ADGRE3: variants seen among roughly 807,000 people sequenced by gnomAD.
ADGRE3 encodes EGF-like module receptor 3.
A neutral mutation model predicts 80.1 loss-of-function variants in ADGRE3; 88 were observed. The observed-to-expected ratio is 1.10, with a 90% CI of 0.93 to 1.31. The LOEUF is 1.31. ADGRE3 is among the 40% of genes most tolerant of loss of function. The pLI, the probability that ADGRE3 is intolerant of heterozygous loss-of-function variation, is 0.00. For synonymous variants in ADGRE3, 281 were observed against 294.8 expected (o/e 0.95, Z 0.48); for missense variants, 715 against 776.5 (o/e 0.92, Z 0.94).
At chr19:14,641,752 G>A in intron 9 of ADGRE3, 136 bp from the exon 10 acceptor site, 1 of 1,049,382 alleles carries the variant, frequency 9.5e-7, no homozygotes, top group Admixed American at 2.1e-5. Context: ...AATGTAGATT[G>A]CTAATGTAGA....
Position 14,630,063 on chromosome 19 carries a change from C to A in ADGRE3, c.1788G>T (p.Leu596Phe). The change falls in exon 14 of 16, where the codon TTG becomes TTT. Residue 596 changes from leucine (L) to phenylalanine (F), a missense_variant. Transcript: ENST00000253673. Reference protein sequence around the residue: ...INSLQGFFIFLVYCLLSQQVQ... With the variant: ...INSLQGFFIFFVYCLLSQQVQ... ...CCTGCTGGCTGAGGAGGCAGTAGAC[C>A]AAGAAGATGAAGAAGCCTTGGAGGC... 1 of 1,608,930 alleles carries A rather than the reference C, an allele frequency of 6.2e-7. No homozygotes were observed. The highest frequency in any genetic ancestry group is 1.1e-5 in the South Asian group (1 of 90,452).
chr19:14,666,490 T>A (rs1385624885), intron 2 of ADGRE3, among the ~76,000 whole-genome samples: 2 of 151,928 alleles, frequency 1.3e-5, no homozygotes. Flanking sequence ...GATTCTCCTG[T>A]CTCAGCCTCC....
chr19:14,643,817 C>T (rs1045691892), intron 9 of ADGRE3, among the ~76,000 whole-genome samples: 1 of 151,746 alleles, frequency 6.6e-6, no homozygotes, highest in East Asian at 1.9e-4. Context: ...TTCAAGCCAT[C>T]CTCTTGTCTC....
intron 11 of ADGRE3, among the ~76,000 whole-genome samples, chr19:14,637,078 G>T (rs1048421147): frequency 6.6e-6 from 1 of 152,066 alleles, no homozygotes; most frequent in Middle Eastern, 3.2e-3. Flanking sequence ...TGGGCAACAA[G>T]AGCGAAACTC....
intron 4 of ADGRE3, 37 bp from the exon 5 acceptor site, chr19:14,658,587 T>C (rs750693394): frequency 2.5e-5 from 37 of 1,509,106 alleles, no homozygotes; most frequent in Non-Finnish European, 2.5e-5. Flanking sequence ...CTATTGGAAC[T>C]GAGAGTGACC....
chr19:14,639,622 C>T (rs1971192305), intron 10 of ADGRE3, among the ~76,000 whole-genome samples: 2 of 151,928 alleles, frequency 1.3e-5, no homozygotes, highest in Non-Finnish European at 2.9e-5. Flanking sequence ...CACTATATTG[C>T]CCAGGATGGC....
At chr19:14,603,916 T>C in the ADGRE3 span, among the ~76,000 whole-genome samples, 1 of 152,212 alleles carries the variant, frequency 6.6e-6, no homozygotes, top group Non-Finnish European at 1.5e-5. Flanking sequence ...TGCCTAGAAA[T>C]AGCAAGGACT....
chr19:14,600,205 T>C, the ADGRE3 span: 8 of 1,612,334 alleles, frequency 5.0e-6, no homozygotes, highest in Non-Finnish European at 6.8e-6. Flanking sequence ...CACTGAACCT[T>C]TGAGAACCTT....
At chr19:14,607,445 T>C in the ADGRE3 span, among the ~76,000 whole-genome samples, 13,328 of 151,696 alleles carry the variant, frequency 0.088, 604 homozygotes, top group Middle Eastern at 0.12. Flanking sequence ...CCTCGTGATC[T>C]GCCCGCCTTG....
chr19:14,605,915 AT>A, the ADGRE3 span, among the ~76,000 whole-genome samples: 1 of 151,926 alleles, frequency 6.6e-6, no homozygotes, highest in Non-Finnish European at 1.5e-5. Flanking sequence ...ATTTTTAAAA[AT>A]TTTTGTAGAT....
At chr19:14,620,954 C>T (rs1211334964) in intron 15 of ADGRE3, among the ~76,000 whole-genome samples, 1 of 152,006 alleles carries the variant, frequency 6.6e-6, no homozygotes, top group African/African-American at 2.4e-5. Context: ...ATCTGGGAAA[C>T]CTTTCATAGG....
chr19:14,606,794 A>G, the ADGRE3 span, among the ~76,000 whole-genome samples: 2 of 152,202 alleles, frequency 1.3e-5, no homozygotes, highest in East Asian at 3.8e-4. Context: ...TGCATGAGAA[A>G]AAGTAGCACG....
intron 1 of ADGRE3, among the ~76,000 whole-genome samples, chr19:14,669,394 G>A (rs1972190695): frequency 6.6e-6 from 1 of 152,146 alleles, no homozygotes; most frequent in Non-Finnish European, 1.5e-5. Flanking sequence ...GGAGACAATA[G>A]ACTCTGGGGA....
downstream of ADGRE3, among the ~76,000 whole-genome samples, chr19:14,617,344 T>TCCCTC (rs774654059): frequency 9.5e-3 from 470 of 49,352 alleles, 4 homozygotes; most frequent in Middle Eastern, 0.014. Flanking sequence ...CTCCCTCCCT[T>TCCCTC]TCTTTCTTTC....
intron 6 of ADGRE3, among the ~76,000 whole-genome samples, chr19:14,654,054 G>C (rs1312722534): frequency 1.3e-5 from 2 of 151,130 alleles, no homozygotes; most frequent in Non-Finnish European, 2.9e-5. Flanking sequence ...CCCAGTTCAA[G>C]TGATTCTCCC....
chr19:14,663,427 T>A lies in ADGRE3; in HGVS notation c.190A>T (p.Thr64Ser). ...GQKLFTFPLE[T>S]CNDINECTPP... is the part of the protein sequence containing the mutation. The stretch of plus-strand genomic sequence containing the variant: ...AATAATACTTCTTTACCGTTACATG[T>A]CTCCAAGGGGAATGTGAATAGTTTC... The change falls in exon 3 of 16, where the codon ACA becomes TCA. Residue 64 changes from threonine (T) to serine (S), a missense_variant. Coordinates refer to ENST00000253673, the MANE Select transcript of ADGRE3 (RefSeq NM_032571.5). The A allele has an allele frequency of 6.3e-7, 1 of 1,590,810 alleles. No homozygotes were observed. Among genetic ancestry groups the A allele is most frequent in the Non-Finnish European group, 8.6e-7 (1 of 1,164,508 alleles).
the ADGRE3 span, among the ~76,000 whole-genome samples, chr19:14,600,881 G>A: frequency 8.0e-5 from 11 of 137,400 alleles, no homozygotes; most frequent in African/African-American, 2.7e-4. Context: ...GAGCCACCAC[G>A]CTCGGCCTTC....
chr19:14,640,203 A>G (rs985631315), intron 10 of ADGRE3, among the ~76,000 whole-genome samples: 2 of 152,176 alleles, frequency 1.3e-5, no homozygotes, highest in Non-Finnish European at 2.9e-5. Context: ...CCAGGACATT[A>G]GTTTACAAAG....
downstream of ADGRE3, among the ~76,000 whole-genome samples, chr19:14,617,341 C>CCTCCCTCTCTTTCTTTCTTT: frequency 5.8e-3 from 331 of 57,260 alleles, 5 homozygotes; most frequent in African/African-American, 1.0e-2. Flanking sequence ...TCCCTCCCTC[C>CCTCCCTCTCTTTCTTTCTTT]CTTTCTTTCT....
Sources: gnomAD v4.1 joint callset for allele counts (sites outside exome capture counted in the v4.1 genomes callset) on GRCh38, gnomAD v4.1.1 for gene constraint, MANE v1.5 for transcripts, NCBI Gene and HGNC (gene_info 2026-07-23, HGNC 2026-07-21) for gene names.